The following MID2 variants were observed in gnomAD, a reference collection of about 807,000 sequenced individuals.
The protein encoded by MID2 is probable E3 ubiquitin-protein ligase MID2.
A neutral mutation model predicts 46.1 loss-of-function variants in MID2; 13 were observed. The observed-to-expected ratio is 0.28, with a 90% CI of 0.18 to 0.45. The LOEUF (loss-of-function observed/expected upper bound fraction) is 0.45. Ranked by LOEUF, MID2 falls within the 20% of genes least tolerant of loss-of-function variation. The pLI is 1.00. For synonymous variants in MID2, 199 were observed against 212.3 expected, an observed-to-expected ratio of 0.94 and a Z score of 0.55; for missense variants, 431 against 575.4, an observed-to-expected ratio of 0.75 and a Z score of 2.57.
At chrX:107,848,408 TGAGCTA>T (rs1488107760) in intron 2 of MID2, among the ~76,000 whole-genome samples, 29 of 111,693 alleles carry the variant, frequency 2.6e-4, no homozygotes, top group African/African-American at 8.5e-4. Flanking sequence ...TGTATCCATT[TGAGCTA>T]GAGATGTAAT....
chrX:107,834,721 T>C (rs1289173722), intron 1 of MID2, among the ~76,000 whole-genome samples: 1 of 111,658 alleles, frequency 9.0e-6, no homozygotes. Context: ...CAGGGAATCA[T>C]TGACCTAGAA....
intron 2 of MID2, among the ~76,000 whole-genome samples, chrX:107,846,729 T>C (rs967229602): frequency 8.9e-6 from 1 of 112,181 alleles, no homozygotes; most frequent in Admixed American, 9.5e-5. Context: ...TTTTCCATTG[T>C]TTCTTTGGTT....
chrX:107,862,410 G>C (rs1229389042), intron 3 of MID2, among the ~76,000 whole-genome samples: 1 of 111,860 alleles, frequency 8.9e-6, no homozygotes, highest in Non-Finnish European at 1.9e-5. Flanking sequence ...GGAAGAGGGA[G>C]TGGTAATGAA....
At chrX:107,922,714 A>G (rs1933094360) in intron 7 of MID2, among the ~76,000 whole-genome samples, 1 of 111,941 alleles carries the variant, frequency 8.9e-6, no homozygotes, top group African/African-American at 3.2e-5. Context: ...TGTACTGCAT[A>G]TATACTACAT....
chrX:107,852,150 C>T (rs1931642103), intron 2 of MID2, among the ~76,000 whole-genome samples: 1 of 111,737 alleles, frequency 8.9e-6, no homozygotes, highest in African/African-American at 3.3e-5. Flanking sequence ...CCTCGGTCTC[C>T]CAAAGTGCTG....
chrX:107,865,018 A>T (rs1207590952), intron 3 of MID2, among the ~76,000 whole-genome samples: 1 of 112,370 alleles, frequency 8.9e-6, no homozygotes, highest in African/African-American at 3.2e-5. Context: ...AGTACATATG[A>T]TTCTCATTCT....
intron 3 of MID2, among the ~76,000 whole-genome samples, chrX:107,869,055 G>A (rs943660199): frequency 9.2e-6 from 1 of 108,496 alleles, no homozygotes; most frequent in Non-Finnish European, 1.9e-5. Flanking sequence ...GCTTGTGAAA[G>A]GTCTCCCCCT....
intron 2 of MID2, among the ~76,000 whole-genome samples, chrX:107,849,949 C>T (rs1931572636): frequency 8.9e-6 from 1 of 111,863 alleles, no homozygotes; most frequent in African/African-American, 3.2e-5. Flanking sequence ...TGTCCTGTTT[C>T]CTACCAGCAG....
intron 5 of MID2, among the ~76,000 whole-genome samples, chrX:107,905,945 C>A (rs759802895): frequency 8.9e-6 from 1 of 111,754 alleles, no homozygotes; most frequent in Non-Finnish European, 1.9e-5. Context: ...TTGATAGGTG[C>A]GTGCTCTTCT....
At chrX:107,850,134 GA>G (rs1178325839) in intron 2 of MID2, among the ~76,000 whole-genome samples, 1 of 111,018 alleles carries the variant, frequency 9.0e-6, no homozygotes, top group Non-Finnish European at 1.9e-5. Flanking sequence ...CAACAACGAA[GA>G]GACATGTTTA....
chrX:107,916,911 T>TG (rs1386921665), intron 6 of MID2, among the ~76,000 whole-genome samples: 3 of 112,128 alleles, frequency 2.7e-5, no homozygotes, highest in Non-Finnish European at 5.6e-5. Flanking sequence ...GAGGCCGAGG[T>TG]GGGTGGATCA....
chrX:107,890,079 C>T (rs574258603), intron 3 of MID2, among the ~76,000 whole-genome samples: 5 of 111,754 alleles, frequency 4.5e-5, no homozygotes, highest in South Asian at 3.8e-4. Flanking sequence ...TCCTTTAGCT[C>T]GGAGTAGTTT....
At chrX:107,859,420 GA>G (rs997600476) in intron 3 of MID2, among the ~76,000 whole-genome samples, 1 of 110,898 alleles carries the variant, frequency 9.0e-6, no homozygotes, top group African/African-American at 3.3e-5. Flanking sequence ...TGTTGAAGGA[GA>G]AAAAAAATTA....
At chrX:107,836,400 T>C (rs7053643) in intron 1 of MID2, among the ~76,000 whole-genome samples, 5,320 of 110,627 alleles carry the variant, frequency 0.048, 342 homozygotes, top group African/African-American at 0.17. Flanking sequence ...ACTACAGGCA[T>C]GCGCCACTAC....
intron 1 of MID2, among the ~76,000 whole-genome samples, chrX:107,839,379 G>GTT (rs746993882): frequency 0.045 from 4,194 of 93,686 alleles, 296 homozygotes; most frequent in African/African-American, 0.16. Flanking sequence ...TGTTTTGTTT[G>GTT]TTTTTTTTTT....
Position 107,826,000 on chromosome X carries a change from TC to T in MID2, c.-424del. 3.5e-6 allele frequency: 1 copy of T among 283,854 alleles called. No individual in the cohort carries two copies. Among genetic ancestry groups the T allele is most frequent in the Non-Finnish European group, 6.2e-6 (1 of 161,846 alleles). The allele number at this position is 283,854 out of a possible 1,213,427, so 23.4% of individuals were successfully genotyped here. ...CTTCTTCTTGGGCCCTTCCCAGTGC[TC>T]CCTTGGGGTGTCAGCCCCAGCCCCG... On this transcript the variant is annotated 5_prime_UTR_variant, in exon 1 of 10. Coordinates refer to ENST00000262843, the MANE Select transcript of MID2 (RefSeq NM_012216.4).
At chrX:107,867,319 T>TC (rs1931978166) in intron 3 of MID2, among the ~76,000 whole-genome samples, 1 of 82,605 alleles carries the variant, frequency 1.2e-5, no homozygotes, top group Non-Finnish European at 2.0e-5. Flanking sequence ...CCCAGCTAAT[T>TC]TTTTTTTTTT....
At chrX:107,871,469 A>T (rs761328861) in intron 3 of MID2, among the ~76,000 whole-genome samples, 10 of 111,957 alleles carry the variant, frequency 8.9e-5, no homozygotes, top group Admixed American at 2.8e-4. Flanking sequence ...AAAGAGTGTT[A>T]CAGTCAGTGC....
At position 107,826,143 on chromosome X, in the gene MID2, GA is replaced by G; in HGVS notation, c.-280del. 3 of 297,084 alleles carry G rather than the reference GA, an allele frequency of 1.0e-5. No individual in the cohort carries two copies. The highest frequency in any genetic ancestry group is 1.8e-5 in the Non-Finnish European group (3 of 170,140). The allele number at this position is 297,084 out of a possible 1,213,427, so 24.5% of individuals were successfully genotyped here. A position where few individuals can be genotyped will look rare whatever the true frequency, so the allele number is the denominator to read the frequency against. ...TGGTGCTGCCCCTGGACTGAGGGGC[GA>G]AAACTCTTAAGTTTAGCTCGGGAGG... On this transcript the variant is annotated 5_prime_UTR_variant, in exon 1 of 10. Coordinates refer to ENST00000262843, the MANE Select transcript of MID2 (RefSeq NM_012216.4).
Sources: gnomAD v4.1 joint callset for allele counts (sites outside exome capture counted in the v4.1 genomes callset) on GRCh38, gnomAD v4.1.1 for gene constraint, MANE v1.5 for transcripts, NCBI Gene and HGNC (gene_info 2026-07-23, HGNC 2026-07-21) for gene names.